Variants in IRGQ observed in about 807,000 individuals in gnomAD.
The protein encoded by IRGQ is immunity related GTPase Q, also known as immunity-related GTPase family Q protein.
IRGQ carries 5 observed loss-of-function variants against 10.5 expected under a neutral mutation model. The ratio of observed to expected loss-of-function variants is 0.48; its 90% CI spans 0.25 to 1.00. The LOEUF is 1.00. IRGQ is among the 50% of genes least tolerant of loss of function. IRGQ has a pLI of 0.16. For missense variants in IRGQ, 792 were observed against 877.7 expected, an observed-to-expected ratio of 0.90 and a Z score of 1.23; for synonymous variants, 418 against 426.0, an observed-to-expected ratio of 0.98 and a Z score of 0.23.
Position 43,590,498 on chromosome 19 carries a change from C to T in IRGQ, c.*1528G>A, listed in dbSNP as rs1973042956. On this transcript the variant is annotated 3_prime_UTR_variant, in exon 3 of 3. Transcript: ENST00000422989. The stretch of plus-strand genomic sequence containing the variant: ...GTGGTTTCTGCCTTTGCTTCATTCA[C>T]TCCTGGCATATTCCCATGGTCTCAA... 6.6e-6 allele frequency: 1 copy of T among 152,264 alleles called. No homozygotes were observed. The allele number at this position is 152,264 out of a possible 1,614,324, so 9.4% of individuals were successfully genotyped here.
rs1973006928 is a variant in IRGQ, at chr19:43,587,485, T to C, written c.*4541A>G. On this transcript the variant is annotated 3_prime_UTR_variant, in exon 3 of 3. Transcript: ENST00000422989. ...TCTACTTCTCCAACTATGAATTTTA[T>C]GAAATCAAAATAAAGGTCAAGCATT... The C allele has an allele frequency of 6.6e-6, 1 of 152,216 alleles. No homozygotes were observed. The highest frequency in any genetic ancestry group is 6.5e-5 in the Admixed American group (1 of 15,272). 9.4% of individuals were successfully genotyped at this position (152,216 alleles called of 1,614,324 possible). A position where few individuals can be genotyped will look rare whatever the true frequency, so the allele number is the denominator to read the frequency against.
At chr19:43,594,672 G>GAAA in intron 2 of IRGQ, 137 bp downstream of exon 2, 4 of 552,092 alleles carry the variant, frequency 7.2e-6, no homozygotes, top group African/African-American at 2.0e-5. Flanking sequence ...TGTCTCTCAG[G>GAAA]AAAAAAAAAA....
At position 43,589,527 on chromosome 19, in the gene IRGQ, T is replaced by C. The variant is rs1973031612; in HGVS notation, c.*2499A>G. ...AGGAGTTGGAGATGGCAGTGAGCCA[T>C]GATCATCCCACTGTATTCCAGCCGG... On this transcript the variant is annotated 3_prime_UTR_variant, in exon 3 of 3. Transcript: ENST00000422989. 1 of 152,052 alleles carries C rather than the reference T, an allele frequency of 6.6e-6. No homozygotes were observed. Among genetic ancestry groups the C allele is most frequent in the African/African-American group, 2.4e-5 (1 of 41,386 alleles). 9.4% of individuals were successfully genotyped at this position (152,052 alleles called of 1,614,324 possible).
In IRGQ at chr19:43,592,304, G is replaced by T. The variant is rs1178739053; in HGVS notation, c.1594C>A (p.Arg532Ser). The T allele has an allele frequency of 1.3e-6, 2 of 1,565,434 alleles. No individual in the cohort carries two copies. Among genetic ancestry groups the T allele is most frequent in the East Asian group, 2.4e-5 (1 of 41,996 alleles). ...LEPTALARRE[R>S]ALGLASGELA... ...TCTCCAGAAGCCAGGCCCAGGGCAC[G>T]CTCACGTCGAGCCAGTGCCGTGGGT... is the stretch of plus-strand genomic sequence containing the variant. The change falls in exon 3 of 3, where the codon CGT (arginine) becomes AGT (serine). Residue 532 changes from arginine (R) to serine (S), a missense_variant. Coordinates refer to ENST00000422989, the MANE Select transcript of IRGQ (RefSeq NM_001007561.3).
At position 43,592,413 on chromosome 19, in the gene IRGQ, TGCC is replaced by T. The variant is rs762426586; in HGVS notation, c.1482_1484del (p.Ala495del). The stretch of plus-strand genomic sequence containing the variant: ...ATGCCCAGCCCAGCCCTGGGAGTGG[TGCC>T]GCCGCCGCCGCCAGACTAGCCAGCA... On this transcript the variant is annotated inframe_deletion, in exon 3 of 3. Transcript: ENST00000422989. 2.1e-5 allele frequency: 33 copies of T among 1,574,846 alleles called. No individual in the cohort carries two copies. The highest frequency in any genetic ancestry group is 5.2e-5 in the Admixed American group (3 of 57,432).
At position 43,592,644 on chromosome 19, in the gene IRGQ, G is replaced by T. The variant is rs1305862153; in HGVS notation, c.1254C>A (p.Asp418Glu). ...SERAAALSPE[D>E]ETWEVLEEAP... ...CCTCCTCCAGCACCTCCCACGTCTC[G>T]TCCTCCGGGCTTAACGCAGCGGCCC... The change falls in exon 3 of 3, where the codon GAC becomes GAA. Residue 418 changes from aspartate to glutamate, a missense_variant. By Grantham distance (45) the Asp-to-Glu change is conservative. Coordinates refer to ENST00000422989, the MANE Select transcript of IRGQ (RefSeq NM_001007561.3). 5.6e-6 allele frequency: 9 copies of T among 1,604,402 alleles called. No individual in the cohort carries two copies. The highest frequency in any genetic ancestry group is 6.8e-6 in the Non-Finnish European group (8 of 1,179,952).
rs1178900616 is a variant in IRGQ, at chr19:43,590,357, G to A, written c.*1669C>T. The A allele has an allele frequency of 2.0e-5, 3 of 152,282 alleles. No individual in the cohort carries two copies. Among genetic ancestry groups the A allele is most frequent in the African/African-American group, 7.2e-5 (3 of 41,468 alleles). The allele number at this position is 152,282 out of a possible 1,614,324, so 9.4% of individuals were successfully genotyped here. On this transcript the variant is annotated 3_prime_UTR_variant, in exon 3 of 3. Coordinates refer to ENST00000422989, the MANE Select transcript of IRGQ (RefSeq NM_001007561.3). ...TTTGCTCTTTCTGTCTACGACAAAA[G>A]GGATTCTATCGCTTGGATTCTCAGA...
Position 43,591,918 on chromosome 19 carries a change from G to T in IRGQ, c.*108C>A. On this transcript the variant is annotated 3_prime_UTR_variant, in exon 3 of 3. Transcript: ENST00000422989. Reference sequence around the variant, plus strand: ...ACTCTCTGAATCCAGGTGATAAGAAGTCACACATCCCAGCTGGAAGTCAAG... The same window carrying T: ...ACTCTCTGAATCCAGGTGATAAGAATTCACACATCCCAGCTGGAAGTCAAG... The T allele has an allele frequency of 9.5e-7, 1 of 1,054,794 alleles. No homozygotes were observed. Among genetic ancestry groups the T allele is most frequent in the Non-Finnish European group, 1.4e-6 (1 of 735,404 alleles). 65.3% of individuals were successfully genotyped at this position (1,054,794 alleles called of 1,614,324 possible).
At chr19:43,594,684 A>T in intron 2 of IRGQ, 125 bp downstream of exon 2, 1 of 642,174 alleles carries the variant, frequency 1.6e-6, no homozygotes, top group East Asian at 3.1e-5. Flanking sequence ...AAAAAAAAAA[A>T]ATAATAATAA....
chr19:43,595,039 C>A lies in IRGQ; in HGVS notation c.300G>T (p.Ala100=), dbSNP rs1409316109. 1 of 1,612,856 alleles carries A rather than the reference C, an allele frequency of 6.2e-7. No homozygotes were observed. The highest frequency in any genetic ancestry group is 2.2e-5 in the East Asian group (1 of 44,890). The change falls in exon 2 of 3, where the codon GCG becomes GCT. Residue 100 remains alanine (A), a synonymous_variant. Coordinates refer to ENST00000422989, the MANE Select transcript of IRGQ (RefSeq NM_001007561.3). Reference sequence around the variant, plus strand: ...GGGTCCCTCGGGCCAGGGCGGCCAGCGCTGCCTCTCCCAGGGCTGGAGCCA... The same window carrying A: ...GGGTCCCTCGGGCCAGGGCGGCCAGAGCTGCCTCTCCCAGGGCTGGAGCCA... ...EPLAPALGEA[A]LAALARGTPL... is the part of the protein sequence containing the mutation.
chr19:43,592,533 T>C lies in IRGQ; in HGVS notation c.1365A>G (p.Ala455=). Residue 455 remains alanine, a synonymous_variant, in exon 3 of 3, where the codon GCA becomes GCG. Transcript: ENST00000422989. ...WLRRALPPAQ[A]GALLLALPPA... ...GTGGCAACGCCAGCAGCAGTGCCCC[T>C]GCCTGGGCTGGGGGGAGCGCTCGCC... The C allele has an allele frequency of 6.3e-7, 1 of 1,596,596 alleles. No individual in the cohort carries two copies. Among genetic ancestry groups the C allele is most frequent in the Non-Finnish European group, 8.5e-7 (1 of 1,178,568 alleles).
rs191519622 is a variant in IRGQ, at chr19:43,591,751, G to A, written c.*275C>T. On this transcript the variant is annotated 3_prime_UTR_variant, in exon 3 of 3. Coordinates refer to ENST00000422989, the MANE Select transcript of IRGQ (RefSeq NM_001007561.3). ...TAATCCCAGCTACTCCGGACGCTGAGGCAGGAGAATCGCTTGAACCCGGGA... is the reference window on the plus strand; with the variant it reads ...TAATCCCAGCTACTCCGGACGCTGAAGCAGGAGAATCGCTTGAACCCGGGA... 7 of 318,672 alleles carry A rather than the reference G, an allele frequency of 2.2e-5. No individual in the cohort carries two copies. The highest frequency in any genetic ancestry group is 8.6e-5 in the African/African-American group (4 of 46,736). The allele number at this position is 318,672 out of a possible 1,614,324, so 19.7% of individuals were successfully genotyped here. A position where few individuals can be genotyped will look rare whatever the true frequency, so the allele number is the denominator to read the frequency against.
At position 43,593,486 on chromosome 19, in the gene IRGQ, A is replaced by G. The variant is rs994538870; in HGVS notation, c.531-119T>C. On this transcript the variant is annotated intron_variant, in intron 2 of 2. Coordinates refer to ENST00000422989, the MANE Select transcript of IRGQ (RefSeq NM_001007561.3). This position sits in a 1 kb window ranked among gnomAD's most constrained non-coding sequence, Gnocchi z 6.4. Reference sequence around the variant, plus strand: ...TCCCAGAATGGGGCAGGGGTAGGAAAGGGAAGGGCCAGACTGATGGCACAG... The same window carrying G: ...TCCCAGAATGGGGCAGGGGTAGGAAGGGGAAGGGCCAGACTGATGGCACAG... The G allele has an allele frequency of 6.6e-5, 70 of 1,058,628 alleles. No individual in the cohort carries two copies. The highest frequency in any genetic ancestry group is 7.6e-5 in the Non-Finnish European group (60 of 785,254). 65.6% of individuals were successfully genotyped at this position (1,058,628 alleles called of 1,614,324 possible).
In IRGQ at chr19:43,592,606, A is replaced by G. The variant is rs770175442; in HGVS notation, c.1292T>C (p.Val431Ala). ...WEVLEEAPPPVFPLRPGGLPG... is the reference protein window; with the variant it reads ...WEVLEEAPPPAFPLRPGGLPG... Reference sequence around the variant, plus strand: ...GAGTCCGCCAGGCCGTAGGGGGAACACTGGCGGCGGCGCCTCCTCCAGCAC... The same window carrying G: ...GAGTCCGCCAGGCCGTAGGGGGAACGCTGGCGGCGGCGCCTCCTCCAGCAC... Residue 431 changes from valine to alanine, a missense_variant, in exon 3 of 3, where the codon GTG becomes GCG. Val to Ala is a moderately conservative substitution (Grantham distance 64). Transcript: ENST00000422989. The G allele has an allele frequency of 6.2e-7, 1 of 1,601,116 alleles. No homozygotes were observed. The highest frequency in any genetic ancestry group is 1.3e-5 in the African/African-American group (1 of 74,918).
chr19:43,591,990 T>C lies in IRGQ; in HGVS notation c.*36A>G, dbSNP rs1973061328. 3 of 1,540,416 alleles carry C rather than the reference T, an allele frequency of 1.9e-6. No individual in the cohort carries two copies. The highest frequency in any genetic ancestry group is 1.4e-5 in the African/African-American group (1 of 72,804). ...CCCAGGATTAAGCCCAGGCATCCCC[T>C]GTCAGAGTCTGGACTCCCAAGCCCC... On this transcript the variant is annotated 3_prime_UTR_variant, in exon 3 of 3. Transcript: ENST00000422989.
In IRGQ at chr19:43,591,935, G is replaced by C. The variant is rs1005116551; in HGVS notation, c.*91C>G. 1.6e-6 allele frequency: 2 copies of C among 1,286,682 alleles called. No individual in the cohort carries two copies. The highest frequency in any genetic ancestry group is 1.1e-6 in the Non-Finnish European group (1 of 936,598). 79.7% of individuals were successfully genotyped at this position (1,286,682 alleles called of 1,614,324 possible). On this transcript the variant is annotated 3_prime_UTR_variant, in exon 3 of 3. Transcript: ENST00000422989. ...GATAAGAAGTCACACATCCCAGCTG[G>C]AAGTCAAGAGTCCACATCCCCTTCA...
rs1335037403 is a variant in IRGQ, at chr19:43,589,227, TCTC to T, written c.*2796_*2798del. 5 of 152,234 alleles carry T rather than the reference TCTC, an allele frequency of 3.3e-5. No individual in the cohort carries two copies. The highest frequency in any genetic ancestry group is 5.9e-5 in the Non-Finnish European group (4 of 68,038). The allele number at this position is 152,234 out of a possible 1,614,324, so 9.4% of individuals were successfully genotyped here. A position where few individuals can be genotyped will look rare whatever the true frequency, so the allele number is the denominator to read the frequency against. On this transcript the variant is annotated 3_prime_UTR_variant, in exon 3 of 3. Coordinates refer to ENST00000422989, the MANE Select transcript of IRGQ (RefSeq NM_001007561.3). ...TGTTCTCTCCCATTAAATGCTTTTT[TCTC>T]CTCATCTTGCTCCATTTTCCTATCT...
At position 43,591,022 on chromosome 19, in the gene IRGQ, T is replaced by G. The variant is rs1973048588; in HGVS notation, c.*1004A>C. 1 of 152,230 alleles carries G rather than the reference T, an allele frequency of 6.6e-6. No homozygotes were observed. The highest frequency in any genetic ancestry group is 1.5e-5 in the Non-Finnish European group (1 of 68,056). 9.4% of individuals were successfully genotyped at this position (152,230 alleles called of 1,614,324 possible). A position where few individuals can be genotyped will look rare whatever the true frequency, so the allele number is the denominator to read the frequency against. On this transcript the variant is annotated 3_prime_UTR_variant, in exon 3 of 3. Transcript: ENST00000422989. ...TTTTTGTGGGACCACCCTCCCTACA[T>G]GCTTTTGGAGGGCAATTATAGAAAC...
In IRGQ at chr19:43,593,274, A is replaced by G; in HGVS notation, c.624T>C (p.Ala208=). Residue 208 remains alanine (A), a synonymous_variant, in exon 3 of 3, where the codon GCT becomes GCC. Transcript: ENST00000422989. This position sits in a 1 kb window ranked among gnomAD's most constrained non-coding sequence, Gnocchi z 6.4. The part of the protein sequence containing the change: ...REAFETGGLE[A]ALSWVRSGLE... Reference sequence around the variant, plus strand: ...GGCCTGAGCGCACCCACGACAGCGCAGCCTCAAGGCCGCCGGTCTCAAAGG... The same window carrying G: ...GGCCTGAGCGCACCCACGACAGCGCGGCCTCAAGGCCGCCGGTCTCAAAGG... 6.3e-7 allele frequency: 1 copy of G among 1,596,106 alleles called. No homozygotes were observed. Among genetic ancestry groups the G allele is most frequent in the Admixed American group, 1.8e-5 (1 of 57,086 alleles).
Sources: allele counts gnomAD v4.1 joint callset, GRCh38; gene constraint gnomAD v4.1.1; non-coding constraint Gnocchi (gnomAD v3.1); transcripts MANE v1.5; gene names NCBI Gene and HGNC (gene_info 2026-07-23, HGNC 2026-07-21).